Variants in KLK3 observed in about 807,000 individuals in gnomAD.
KLK3 encodes kallikrein related peptidase 3, also known as prostate-specific antigen.
Under a neutral mutation model 27.7 loss-of-function variants are expected in KLK3, and 23 were observed. The observed-to-expected ratio is 0.83, with a 90% confidence interval of 0.60 to 1.17. The LOEUF (loss-of-function observed/expected upper bound fraction) is 1.17. KLK3 is among the 50% of genes most tolerant of loss of function. KLK3 has a pLI of 0.00. For synonymous variants in KLK3, 142 were observed against 134.2 expected, an observed-to-expected ratio of 1.06 and a Z score of -0.40; for missense variants, 322 against 338.1, an observed-to-expected ratio of 0.95 and a Z score of 0.37.
At chr19:50,858,341 C>A in intron 3 of KLK3, 26 bp downstream of exon 3, 1 of 1,605,634 alleles carries the variant, frequency 6.2e-7, no homozygotes, top group Non-Finnish European at 8.5e-7. Flanking sequence ...ATGGTGCAGC[C>A]GGGAGCCCAG....
chr19:50,855,011 G>T lies in KLK3; in HGVS notation c.46+10G>T. 1 of 1,613,640 alleles carries T rather than the reference G, an allele frequency of 6.2e-7. No individual in the cohort carries two copies. The highest frequency in any genetic ancestry group is 8.5e-7 in the Non-Finnish European group (1 of 1,179,812). On this transcript the variant is annotated intron_variant, in intron 1 of 4. Coordinates refer to ENST00000326003, the MANE Select transcript of KLK3 (RefSeq NM_001648.2). ...TCCGTGACGTGGATTGGTGAGAGGGGCCATGGTTGGGGGGATGCAGGAGAG... is the reference window on the plus strand; with the variant it reads ...TCCGTGACGTGGATTGGTGAGAGGGTCCATGGTTGGGGGGATGCAGGAGAG...
Position 50,860,382 on chromosome 19 carries a change from G to A in KLK3, c.*255G>A. 2.6e-6 allele frequency: 1 copy of A among 382,884 alleles called. No individual in the cohort carries two copies. The highest frequency in any genetic ancestry group is 4.7e-6 in the Non-Finnish European group (1 of 210,532). 23.7% of individuals were successfully genotyped at this position (382,884 alleles called of 1,614,324 possible). ...ATTTCTCTGAGGACACAGATAGGAT[G>A]GGGTGTCTGTGTTATTTGTGGGGTA... On this transcript the variant is annotated 3_prime_UTR_variant, in exon 5 of 5. Coordinates refer to ENST00000326003, the MANE Select transcript of KLK3 (RefSeq NM_001648.2).
intron 4 of KLK3, chr19:50,859,635 A>C (rs2090172104): frequency 6.2e-7 from 1 of 1,611,254 alleles, no homozygotes; most frequent in Admixed American, 1.7e-5. Context: ...TAGTCCTGGA[A>C]GGTGGCCTCT....
In KLK3 at chr19:50,856,327, G is replaced by A. The variant is rs139560851; in HGVS notation, c.134G>A (p.Arg45His). The A allele has an allele frequency of 4.1e-5, 66 of 1,613,626 alleles. No individual in the cohort carries two copies. The highest frequency in any genetic ancestry group is 3.0e-4 in the South Asian group (27 of 91,050). ...CCCTGGCAGGTGCTTGTGGCCTCTCGTGGCAGGGCAGTCTGCGGCGGTGTT... is the reference window on the plus strand; with the variant it reads ...CCCTGGCAGGTGCTTGTGGCCTCTCATGGCAGGGCAGTCTGCGGCGGTGTT... ...SQPWQVLVASRGRAVCGGVLV... is the reference protein window; with the variant it reads ...SQPWQVLVASHGRAVCGGVLV... Residue 45 changes from arginine (R) to histidine (H), a missense_variant, in exon 2 of 5, where the codon CGT becomes CAT. Coordinates refer to ENST00000326003, the MANE Select transcript of KLK3 (RefSeq NM_001648.2).
rs762592843 is a variant in KLK3 at position 50,854,940 on chromosome 19, G to A, written c.-16G>A. 7.7e-5 allele frequency: 125 copies of A among 1,613,568 alleles called. No individual in the cohort carries two copies. The South Asian group carries it at 8.3e-4, about 11-fold the overall frequency. ...AGCCCCAAGCTTACCACCTGCACCC[G>A]GAGAGCTGTGTCACCATGTGGGTCC... On this transcript the variant is annotated 5_prime_UTR_variant, in exon 1 of 5. Transcript: ENST00000326003.
In KLK3 at chr19:50,856,283, G is replaced by C; in HGVS notation, c.90G>C (p.Glu30Asp). 1 of 1,613,180 alleles carries C rather than the reference G, an allele frequency of 6.2e-7. No homozygotes were observed. The highest frequency in any genetic ancestry group is 1.3e-5 in the African/African-American group (1 of 75,024). ...TGTCTCGGATTGTGGGAGGCTGGGA[G>C]TGCGAGAAGCATTCCCAACCCTGGC... ...LILSRIVGGW[E>D]CEKHSQPWQV... Residue 30 changes from glutamate to aspartate, a missense_variant, in exon 2 of 5, where the codon GAG becomes GAC. Glu to Asp is a conservative substitution (Grantham distance 45). Transcript: ENST00000326003.
At chr19:50,857,179 A>AAAAAAAAAAAAAAAAAAAAG (rs1555770267) in intron 2 of KLK3, among the ~76,000 whole-genome samples, 1 of 145,276 alleles carries the variant, frequency 6.9e-6, no homozygotes, top group Non-Finnish European at 1.5e-5. Context: ...AAAAAAAAAA[A>AAAAAAAAAAAAAAAAAAAAG]AAAAGAAAAG....
In KLK3 at chr19:50,860,260, C is replaced by T; in HGVS notation, c.*133C>T. On this transcript the variant is annotated 3_prime_UTR_variant, in exon 5 of 5. Coordinates refer to ENST00000326003, the MANE Select transcript of KLK3 (RefSeq NM_001648.2). ...CAGGGTTGCTAGGAAAAGAAATCAGCAGACACAGGTGTAGACCAGAGTGTT... is the reference window on the plus strand; with the variant it reads ...CAGGGTTGCTAGGAAAAGAAATCAGTAGACACAGGTGTAGACCAGAGTGTT... The T allele has an allele frequency of 1.5e-6, 1 of 689,084 alleles. No homozygotes were observed. Among genetic ancestry groups the T allele is most frequent in the Non-Finnish European group, 2.5e-6 (1 of 392,996 alleles). 42.7% of individuals were successfully genotyped at this position (689,084 alleles called of 1,614,324 possible).
intron 4 of KLK3, 64 bp from the exon 5 acceptor site, chr19:50,859,908 A>G: frequency 6.5e-7 from 1 of 1,547,698 alleles, no homozygotes; most frequent in Non-Finnish European, 8.8e-7. Context: ...GGTCTGAAAG[A>G]TAGGATTGCC....
At position 50,858,244 on chromosome 19, in the gene KLK3, T is replaced by C; in HGVS notation, c.422T>C (p.Leu141Pro). The C allele has an allele frequency of 6.2e-7, 1 of 1,614,194 alleles. No homozygotes were observed. The highest frequency in any genetic ancestry group is 2.2e-5 in the East Asian group (1 of 44,880). Residue 141 changes from leucine (L) to proline (P), a missense_variant, in exon 3 of 5, where the codon CTG becomes CCG. Physicochemically the swap from Leu to Pro is moderately conservative, Grantham distance 98. Coordinates refer to ENST00000326003, the MANE Select transcript of KLK3 (RefSeq NM_001648.2). ...ELTDAVKVMD[L>P]PTQEPALGTT... ...ACGGATGCTGTGAAGGTCATGGACC[T>C]GCCCACCCAGGAGCCAGCACTGGGG...
chr19:50,857,845 C>T, intron 2 of KLK3, 184 bp from the exon 3 acceptor site: 1 of 603,506 alleles, frequency 1.7e-6, no homozygotes, highest in Non-Finnish European at 2.9e-6. Context: ...ATCTGCCCTT[C>T]ACCCTCTCAC....
chr19:50,858,274 C>T lies in KLK3; in HGVS notation c.452C>T (p.Thr151Ile). 1 of 1,614,118 alleles carries T rather than the reference C, an allele frequency of 6.2e-7. No individual in the cohort carries two copies. Among genetic ancestry groups the T allele is most frequent in the Non-Finnish European group, 8.5e-7 (1 of 1,180,024 alleles). ...ACCCAGGAGCCAGCACTGGGGACCA[C>T]CTGCTACGCCTCAGGCTGGGGCAGC... Reference protein sequence around the residue: ...LPTQEPALGTTCYASGWGSIE... With the variant: ...LPTQEPALGTICYASGWGSIE... Residue 151 changes from threonine to isoleucine, a missense_variant, in exon 3 of 5, where the codon ACC becomes ATC. By Grantham distance (89) the Thr-to-Ile change is moderately conservative. Transcript: ENST00000326003.
Position 50,858,296 on chromosome 19 carries a change from C to T in KLK3, c.474C>T (p.Gly158=), listed in dbSNP as rs747404815. The T allele has an allele frequency of 8.1e-6, 13 of 1,613,594 alleles. No individual in the cohort carries two copies. The South Asian group carries it at 1.4e-4, about 18-fold the overall frequency. ...CCACCTGCTACGCCTCAGGCTGGGG[C>T]AGCATTGAACCAGAGGAGTGTACGC... ...LGTTCYASGW[G]SIEPEEFLTP... Residue 158 remains glycine, a synonymous_variant, in exon 3 of 5, where the codon GGC becomes GGT. Transcript: ENST00000326003.
chr19:50,859,379 G>A, intron 4 of KLK3: 2 of 598,188 alleles, frequency 3.3e-6, no homozygotes, highest in African/African-American at 1.8e-5. Context: ...ACTGCAGGGA[G>A]GGAGGGCAGC....
At chr19:50,856,960 C>T (rs111443720) in intron 2 of KLK3, among the ~76,000 whole-genome samples, 4 of 151,790 alleles carry the variant, frequency 2.6e-5, no homozygotes, top group East Asian at 1.9e-4. Context: ...GTCAGGAGTT[C>T]GAGACCAGCC....
chr19:50,860,385 G>A lies in KLK3; in HGVS notation c.*258G>A, dbSNP rs1244497532. On this transcript the variant is annotated 3_prime_UTR_variant, in exon 5 of 5. Coordinates refer to ENST00000326003, the MANE Select transcript of KLK3 (RefSeq NM_001648.2). ...TCTCTGAGGACACAGATAGGATGGG[G>A]TGTCTGTGTTATTTGTGGGGTACAG... is the stretch of plus-strand genomic sequence containing the variant. The A allele has an allele frequency of 1.1e-5, 4 of 376,070 alleles. No homozygotes were observed. The highest frequency in any genetic ancestry group is 4.1e-5 in the Admixed American group (1 of 24,236). 23.3% of individuals were successfully genotyped at this position (376,070 alleles called of 1,614,324 possible).
At chr19:50,855,375 TC>T in intron 1 of KLK3, 1 of 252,416 alleles carries the variant, frequency 4.0e-6, no homozygotes, top group Non-Finnish European at 7.7e-6. Context: ...CTGGTCCACC[TC>T]CTGAGCCCCT....
intron 1 of KLK3, 156 bp from the exon 2 acceptor site, chr19:50,856,084 C>G: frequency 1.6e-6 from 1 of 637,146 alleles, no homozygotes; most frequent in South Asian, 1.9e-5. Context: ...GAATTCCCAG[C>G]CTTTCCCAGC....
intron 4 of KLK3, 82 bp from the exon 5 acceptor site, chr19:50,859,890 C>A (rs1201906356): frequency 6.5e-7 from 1 of 1,529,458 alleles, no homozygotes; most frequent in Non-Finnish European, 8.8e-7. Flanking sequence ...CTGTTATCTG[C>A]CTGTCCAGGT....
Sources: allele counts gnomAD v4.1 joint callset (sites outside exome capture counted in the v4.1 genomes callset), GRCh38; gene constraint gnomAD v4.1.1; transcripts MANE v1.5; gene names NCBI Gene and HGNC (gene_info 2026-07-23, HGNC 2026-07-21).